The following TACC1 variants were observed in gnomAD, a reference collection of about 807,000 sequenced individuals.
TACC1 encodes the protein transforming acidic coiled-coil-containing protein 1.
A neutral mutation model predicts 84.4 loss-of-function variants in TACC1; 48 were observed. The ratio of observed to expected loss-of-function variants is 0.57; its 90% CI spans 0.45 to 0.72. The LOEUF is 0.72. TACC1 is among the 30% of genes least tolerant of loss of function. The pLI, the probability that TACC1 is intolerant of heterozygous loss-of-function variation, is 0.00. For synonymous variants in TACC1, 372 were observed against 376.3 expected, an observed-to-expected ratio of 0.99 and a Z score of 0.13; for missense variants, 920 against 973.0, an observed-to-expected ratio of 0.95 and a Z score of 0.72.
chr8:38,845,550 A>G (rs1832064375), intron 11 of TACC1, among the ~76,000 whole-genome samples: 1 of 152,244 alleles, frequency 6.6e-6, no homozygotes, highest in South Asian at 2.1e-4. Flanking sequence ...ATGTCAGAAC[A>G]TATAGCTGAA....
At chr8:38,823,860 A>G (rs1827428337) in intron 3 of TACC1, 12 of 551,916 alleles carry the variant, frequency 2.2e-5, no homozygotes, top group Non-Finnish European at 3.5e-5. Flanking sequence ...TTTAATTTGT[A>G]TCTCACCTCA....
At chr8:38,846,461 G>A (rs1832315543) in intron 11 of TACC1, 4 of 333,976 alleles carry the variant, frequency 1.2e-5, no homozygotes, top group South Asian at 4.5e-5. Context: ...AAAAATCTAA[G>A]ACTGTTATAG....
chr8:38,830,998 A>C (rs1829106499), intron 5 of TACC1, 127 bp from the exon 6 acceptor site: 1 of 783,536 alleles, frequency 1.3e-6, no homozygotes, highest in Admixed American at 2.7e-5. Context: ...TTTTAAATAA[A>C]ATCTTAAAAT....
In TACC1 at chr8:38,796,542, G is replaced by A. The variant is rs181193885; in HGVS notation, c.277+7723G>A. 7.2e-5 allele frequency among the ~76,000 whole-genome samples: 11 copies of A among 152,312 alleles called. No individual in the cohort carries two copies. In the East Asian group the frequency reaches 9.6e-4, roughly 13 times the overall value. ...TTCTGAAGTATGAAATGTATTTTAG[G>A]AAGTTGAAACATCAGAAGTTTGGAA... On this transcript the variant is annotated intron_variant, in intron 2 of 12. Transcript: ENST00000317827.
chr8:38,826,062 CT>C (rs1283653153), intron 4 of TACC1, among the ~76,000 whole-genome samples: 1 of 152,124 alleles, frequency 6.6e-6, no homozygotes, highest in Non-Finnish European at 1.5e-5. Context: ...CAATGAGATC[CT>C]TTTGTTCTTT....
chr8:38,755,028 T>C (rs968667723), intron 3 of TACC1, among the ~76,000 whole-genome samples: 3 of 151,964 alleles, frequency 2.0e-5, no homozygotes, highest in African/African-American at 7.3e-5. Context: ...GGCGTGATGG[T>C]GCGCGCCTGT....
intron 1 of TACC1, among the ~76,000 whole-genome samples, chr8:38,740,917 T>TA: frequency 6.6e-6 from 1 of 152,364 alleles, no homozygotes; most frequent in Middle Eastern, 3.4e-3. Context: ...TGCTTAAGGT[T>TA]AAAAGCCTGT....
At chr8:38,834,415 A>G (rs935915786) in intron 6 of TACC1, among the ~76,000 whole-genome samples, 1 of 152,236 alleles carries the variant, frequency 6.6e-6, no homozygotes, top group Non-Finnish European at 1.5e-5. Context: ...GGTCCAGCCT[A>G]CACTCAAAGG....
intron 5 of TACC1, chr8:38,827,764 G>C (rs2152266898): frequency 1.0e-5 from 2 of 199,462 alleles, no homozygotes; most frequent in South Asian, 1.6e-4. Context: ...TCTGCAGACT[G>C]TAGAATAAGC....
intron 3 of TACC1, among the ~76,000 whole-genome samples, chr8:38,760,792 G>A (rs1811063904): frequency 6.6e-6 from 1 of 152,188 alleles, no homozygotes; most frequent in African/African-American, 2.4e-5. Flanking sequence ...AAAGTGCTGG[G>A]ATTACAGGCG....
In TACC1 at chr8:38,787,761, C is replaced by T. The variant is rs1194787281; in HGVS notation, c.161+18C>T. The T allele has an allele frequency of 3.3e-6, 5 of 1,506,388 alleles. No homozygotes were observed. Among genetic ancestry groups the T allele is most frequent in the Non-Finnish European group, 3.5e-6 (4 of 1,136,216 alleles). The allele number at this position is 1,506,388 out of a possible 1,614,324, so 93.3% of individuals were successfully genotyped here. On this transcript the variant is annotated intron_variant, in intron 1 of 12. Transcript: ENST00000317827. Reference sequence around the variant, plus strand: ...AGTTTCAGGCAAGTACACGGCGTCCCCGCTGAGATGCAGACGCGCTTGCCT... The same window carrying T: ...AGTTTCAGGCAAGTACACGGCGTCCTCGCTGAGATGCAGACGCGCTTGCCT...
chr8:38,820,769 T>C (rs963898790), intron 3 of TACC1, 134 bp downstream of exon 3: 16 of 1,221,882 alleles, frequency 1.3e-5, no homozygotes, highest in Non-Finnish European at 1.7e-5. Flanking sequence ...TATAATGTTA[T>C]CCTGCAGTCT....
chr8:38,730,991 A>C (rs979299380), intron 1 of TACC1, among the ~76,000 whole-genome samples: 6 of 150,802 alleles, frequency 4.0e-5, no homozygotes, highest in African/African-American at 1.5e-4. Flanking sequence ...GTACAGTCCT[A>C]GTTCTAGCTC....
Position 38,831,191 on chromosome 8 carries a change from T to G in TACC1, c.1713+14T>G. The G allele has an allele frequency of 6.2e-7, 1 of 1,614,044 alleles. No homozygotes were observed. The highest frequency in any genetic ancestry group is 8.5e-7 in the Non-Finnish European group (1 of 1,179,910). On this transcript the variant is annotated intron_variant, in intron 6 of 12. Transcript: ENST00000317827. Reference sequence around the variant, plus strand: ...TCCACTGTGCTTGTAAGTTCCTGAATGTGGAGGGCCGGGTGGACTCAGGTT... The same window carrying G: ...TCCACTGTGCTTGTAAGTTCCTGAAGGTGGAGGGCCGGGTGGACTCAGGTT...
intron 3 of TACC1, among the ~76,000 whole-genome samples, chr8:38,756,283 G>A (rs868585685): frequency 6.6e-6 from 1 of 152,008 alleles, no homozygotes; most frequent in Non-Finnish European, 1.5e-5. Context: ...CAGTGAAATC[G>A]AAACAGATTC....
chr8:38,797,387 G>T (rs1820244945), intron 2 of TACC1, among the ~76,000 whole-genome samples: 1 of 152,208 alleles, frequency 6.6e-6, no homozygotes, highest in Non-Finnish European at 1.5e-5. Flanking sequence ...TACATTCTTA[G>T]ATGGCAAAGC....
At position 38,820,405 on chromosome 8, in the gene TACC1, TCAGTG is replaced by T; in HGVS notation, c.1162_1166del (p.Gln388GlyfsTer23). On this transcript the variant is annotated frameshift_variant, in exon 3 of 13. Transcript: ENST00000317827. LOFTEE classifies it high-confidence loss of function. ...AAACATCTTCCAAGCCAGATCCTAG[TCAGTG>T]GGAAAGCCCCAGCTTCAACCCCTTT... 1 of 1,614,178 alleles carries T rather than the reference TCAGTG, an allele frequency of 6.2e-7. No homozygotes were observed. Among genetic ancestry groups the T allele is most frequent in the Non-Finnish European group, 8.5e-7 (1 of 1,180,024 alleles).
rs192515668 is a variant in TACC1 at position 38,837,141 on chromosome 8, G to A, written c.1839+854G>A. Among the ~76,000 whole-genome samples, 166 of 144,746 alleles carry A rather than the reference G, an allele frequency of 1.1e-3. 1 individual carries two copies. Among genetic ancestry groups the A allele is most frequent in the African/African-American group, 4.1e-3 (160 of 38,780 alleles). 95.0% of individuals were successfully genotyped at this position (144,746 alleles called of 152,430 possible). On this transcript the variant is annotated intron_variant, in intron 7 of 12. Coordinates refer to ENST00000317827, the MANE Select transcript of TACC1 (RefSeq NM_006283.3). ...TTTTTTTTTGAGATAAAATCTTGGC[G>A]CAGTAGCTCATGCCTGTAATCCCAG...
At chr8:38,755,305 C>G (rs551379286) in intron 3 of TACC1, among the ~76,000 whole-genome samples, 7 of 152,248 alleles carry the variant, frequency 4.6e-5, no homozygotes, top group African/African-American at 1.7e-4. Flanking sequence ...GAAAACAATT[C>G]TGTGTGCTTC....
Sources: allele counts gnomAD v4.1 joint callset (sites outside exome capture counted in the v4.1 genomes callset), GRCh38; gene constraint gnomAD v4.1.1; transcripts MANE v1.5; gene names NCBI Gene and HGNC (gene_info 2026-07-23, HGNC 2026-07-21).